The following SMIM35 variants were observed in gnomAD, a reference collection of about 807,000 sequenced individuals.
SMIM35 encodes TMPRSS4 antisense RNA 1 (non-protein coding).
At chr11:118,068,746 A>G (rs1395386283) in intron 1 of SMIM35, among the ~76,000 whole-genome samples, 1 of 152,124 alleles carries the variant, frequency 6.6e-6, no homozygotes, top group East Asian at 1.9e-4. Flanking sequence ...TACTGGGAAA[A>G]GCGAGAAACC....
chr11:118,079,267 T>G (rs1003035825), intron 1 of SMIM35, among the ~76,000 whole-genome samples: 2 of 152,112 alleles, frequency 1.3e-5, no homozygotes, highest in African/African-American at 4.8e-5. Flanking sequence ...GAGGGGAGGA[T>G]GGGATCTCCA....
At chr11:118,042,342 AACAAAATAGATAACTTAGATGAAATAG>A (rs1944019234) in intron 1 of SMIM35, among the ~76,000 whole-genome samples, 1 of 152,176 alleles carries the variant, frequency 6.6e-6, no homozygotes, top group Non-Finnish European at 1.5e-5. Flanking sequence ...GTTGTACACC[AACAAAATAGATAACTTAGATGAAATAG>A]ACAGATTCCT....
rs193190496 is a variant in SMIM35, at chr11:118,024,326, G to A, written c.8-8517C>T. Among the ~76,000 whole-genome samples the A allele has an allele frequency of 3.3e-5, 5 of 152,208 alleles. No individual in the cohort carries two copies. In the East Asian group the frequency reaches 9.6e-4, roughly 29 times the overall value. On this transcript the variant is annotated intron_variant, in intron 1 of 4. Coordinates refer to ENST00000689828, the MANE Select transcript of SMIM35 (RefSeq NM_001394165.1). ...AAATAGACTACATTTCCTTTCAACC[G>A]ACCCTCCGTAAGAATCATTCTTTTT...
intron 1 of SMIM35, among the ~76,000 whole-genome samples, chr11:118,043,937 G>C (rs11216727): frequency 0.07 from 10,581 of 151,756 alleles, 675 homozygotes; most frequent in East Asian, 0.3. Context: ...AAAATTGACT[G>C]TAATGGTGGC....
chr11:118,029,451 C>G (rs1011044157), intron 1 of SMIM35, among the ~76,000 whole-genome samples: 2 of 152,206 alleles, frequency 1.3e-5, no homozygotes, highest in Non-Finnish European at 2.9e-5. Flanking sequence ...CAAACCCACT[C>G]TCTCTATTTG....
intron 1 of SMIM35, among the ~76,000 whole-genome samples, chr11:118,083,050 TCTC>T (rs1475205110): frequency 1.3e-5 from 2 of 151,800 alleles, no homozygotes; most frequent in Admixed American, 6.6e-5. Context: ...CCTGCCTCCC[TCTC>T]CTCTGCTGCG....
At chr11:118,059,861 G>A (rs193113966) in intron 1 of SMIM35, among the ~76,000 whole-genome samples, 13 of 152,312 alleles carry the variant, frequency 8.5e-5, no homozygotes, top group Admixed American at 5.9e-4. Flanking sequence ...CTAGAATTCC[G>A]GCTCCCACGC....
intron 1 of SMIM35, among the ~76,000 whole-genome samples, chr11:118,028,402 T>C (rs1256969053): frequency 1.3e-5 from 2 of 152,134 alleles, no homozygotes; most frequent in African/African-American, 4.8e-5. Context: ...ATAAGTCCTA[T>C]GATATGTTAT....
At chr11:118,025,679 A>C in intron 1 of SMIM35, 1 of 448,522 alleles carries the variant, frequency 2.2e-6, no homozygotes, top group Non-Finnish European at 4.4e-6. Flanking sequence ...TTCCTTATAG[A>C]TTCTAGATAT....
intron 1 of SMIM35, chr11:118,029,021 G>A (rs1158106915): frequency 5.7e-6 from 2 of 348,782 alleles, no homozygotes; most frequent in African/African-American, 4.3e-5. Flanking sequence ...CAAGATACAG[G>A]AGAATAGTCT....
At chr11:118,071,111 C>G (rs189127526) in intron 1 of SMIM35, among the ~76,000 whole-genome samples, 1 of 152,222 alleles carries the variant, frequency 6.6e-6, no homozygotes, top group Non-Finnish European at 1.5e-5. Context: ...TATTTCCTTA[C>G]CGTGTGTGGC....
chr11:118,040,188 C>A (rs983194068), intron 1 of SMIM35, among the ~76,000 whole-genome samples: 11 of 152,092 alleles, frequency 7.2e-5, no homozygotes, highest in African/African-American at 2.7e-4. Flanking sequence ...TGCACTGCAG[C>A]CTGGGCAACA....
intron 1 of SMIM35, among the ~76,000 whole-genome samples, chr11:118,072,669 C>T (rs551261253): frequency 1.2e-4 from 18 of 152,308 alleles, no homozygotes; most frequent in South Asian, 8.3e-4. Flanking sequence ...CAAGTGTTCT[C>T]TTTTTATCTC....
At chr11:118,011,127 G>A (rs768558868) in intron 4 of SMIM35, among the ~76,000 whole-genome samples, 23 of 152,284 alleles carry the variant, frequency 1.5e-4, no homozygotes, top group South Asian at 6.2e-4. Context: ...CAGAGGGTGC[G>A]TCAGAGGGCC....
intron 1 of SMIM35, among the ~76,000 whole-genome samples, chr11:118,056,387 G>A (rs1332456814): frequency 3.9e-5 from 6 of 152,160 alleles, no homozygotes; most frequent in African/African-American, 1.4e-4. Context: ...GGGAGAGAGG[G>A]GAGGCCTGGT....
chr11:118,056,461 G>C (rs1363403726), intron 1 of SMIM35, among the ~76,000 whole-genome samples: 1 of 152,196 alleles, frequency 6.6e-6, no homozygotes, highest in African/African-American at 2.4e-5. Context: ...ATGGGGACAT[G>C]CAGGAAGGCA....
Position 118,004,499 on chromosome 11 carries a change from G to A in SMIM35, c.*1911C>T, listed in dbSNP as rs2058112130. The A allele has an allele frequency of 6.6e-6, 1 of 152,208 alleles. No individual in the cohort carries two copies. The highest frequency in any genetic ancestry group is 6.5e-5 in the Admixed American group (1 of 15,270). The allele number at this position is 152,208 out of a possible 1,614,324, so 9.4% of individuals were successfully genotyped here. On this transcript the variant is annotated 3_prime_UTR_variant, in exon 5 of 5. Transcript: ENST00000689828. ...GGGAGACAGAGGTGTGGAGGGAGAG[G>A]GGAGATGATGAGTTCTGGCTTAATA...
At chr11:118,056,103 G>A (rs1247182805) in intron 1 of SMIM35, among the ~76,000 whole-genome samples, 1 of 152,144 alleles carries the variant, frequency 6.6e-6, no homozygotes, top group East Asian at 1.9e-4. Context: ...GGTAGTGGCC[G>A]ACGATCAAGT....
chr11:118,036,798 A>C (rs1389861860), intron 1 of SMIM35, among the ~76,000 whole-genome samples: 2 of 152,120 alleles, frequency 1.3e-5, no homozygotes, highest in Non-Finnish European at 2.9e-5. Flanking sequence ...CAATTGCAAG[A>C]TTTAATAGAG....
Sources: allele counts gnomAD v4.1 joint callset (sites outside exome capture counted in the v4.1 genomes callset), GRCh38; gene constraint gnomAD v4.1.1; transcripts MANE v1.5; gene names NCBI Gene and HGNC (gene_info 2026-07-23, HGNC 2026-07-21).